The following GALNT13 variants were observed in gnomAD, a reference collection of about 807,000 sequenced individuals.
The protein encoded by GALNT13 is polypeptide N-acetylgalactosaminyltransferase 13.
A neutral mutation model predicts 64.2 loss-of-function variants in GALNT13; 28 were observed. The observed-to-expected ratio is 0.44, with a 90% CI of 0.32 to 0.60. The LOEUF (loss-of-function observed/expected upper bound fraction) is 0.60. Among genes scored for constraint, GALNT13 ranks in the 20% least tolerant of loss-of-function variants. The pLI is 0.05. For missense variants in GALNT13, 577 were observed against 669.8 expected (o/e 0.86, Z 1.53); for synonymous variants, 214 against 224.6 (o/e 0.95, Z 0.42).
chr2:154,264,529 C>T (rs546566674), intron 8 of GALNT13, among the ~76,000 whole-genome samples: 4 of 150,546 alleles, frequency 2.7e-5, no homozygotes, highest in East Asian at 2.0e-4. Context: ...CCCAGCAACT[C>T]GAGAGGCTGA....
intron 2 of GALNT13, among the ~76,000 whole-genome samples, chr2:153,908,781 T>TA (rs1688748327): frequency 6.6e-6 from 1 of 152,004 alleles, no homozygotes; most frequent in African/African-American, 2.4e-5. Flanking sequence ...ACCATGCCAT[T>TA]TTTTTATTGT....
At chr2:153,486,289 G>A in the GALNT13 span, among the ~76,000 whole-genome samples, 1 of 152,114 alleles carries the variant, frequency 6.6e-6, no homozygotes, top group South Asian at 2.1e-4. Flanking sequence ...TGTAGAGACT[G>A]TGTCTGTCTA....
the GALNT13 span, among the ~76,000 whole-genome samples, chr2:153,373,540 G>T: frequency 4.3e-4 from 65 of 152,084 alleles, no homozygotes; most frequent in African/African-American, 1.5e-3. Flanking sequence ...CTATAAACCA[G>T]TTTTTAGGAA....
At chr2:153,866,158 T>G in the GALNT13 span, among the ~76,000 whole-genome samples, 1 of 107,302 alleles carries the variant, frequency 9.3e-6, no homozygotes. Flanking sequence ...CTGGGGACTG[T>G]TGTGGGGTGG....
At chr2:153,099,716 T>C in the GALNT13 span, among the ~76,000 whole-genome samples, 57 of 152,226 alleles carry the variant, frequency 3.7e-4, no homozygotes, top group Admixed American at 5.9e-4. Context: ...CTCTAAGTTA[T>C]AGTTCTTATG....
chr2:153,924,017 T>G (rs565667087), intron 2 of GALNT13, among the ~76,000 whole-genome samples: 12 of 152,278 alleles, frequency 7.9e-5, no homozygotes, highest in African/African-American at 2.9e-4. Flanking sequence ...GCATGTGTCT[T>G]TATAGCAGCA....
At chr2:153,204,142 G>A in the GALNT13 span, among the ~76,000 whole-genome samples, 127,145 of 152,126 alleles carry the variant, frequency 0.84, 54,357 homozygotes, top group African/African-American at 0.93. Flanking sequence ...CTTCTGTTGG[G>A]TATTCCCTTC....
At chr2:153,323,794 G>A in the GALNT13 span, among the ~76,000 whole-genome samples, 1,902 of 152,190 alleles carry the variant, frequency 0.012, 40 homozygotes, top group African/African-American at 0.043. Context: ...ACATCAGATG[G>A]TTGTAGATGT....
chr2:154,180,198 T>G (rs1685876699), intron 4 of GALNT13, among the ~76,000 whole-genome samples: 1 of 152,192 alleles, frequency 6.6e-6, no homozygotes, highest in Non-Finnish European at 1.5e-5. Flanking sequence ...TTTCAGTTTT[T>G]TGTGCTTTTT....
intron 9 of GALNT13, among the ~76,000 whole-genome samples, chr2:154,359,093 A>G (rs1183643500): frequency 5.3e-5 from 8 of 152,040 alleles, no homozygotes; most frequent in African/African-American, 1.9e-4. Flanking sequence ...ACTACAAGGT[A>G]TTTCATTTAC....
At chr2:153,473,445 G>T in the GALNT13 span, among the ~76,000 whole-genome samples, 1 of 152,138 alleles carries the variant, frequency 6.6e-6, no homozygotes. Context: ...ATCAGGAAAT[G>T]AGAACAAAGT....
At chr2:153,161,225 T>C in the GALNT13 span, among the ~76,000 whole-genome samples, 86 of 152,308 alleles carry the variant, frequency 5.6e-4, 1 homozygote, top group East Asian at 8.5e-3. Flanking sequence ...GGGCTTATCC[T>C]TATGTTGCAC....
chr2:153,613,715 A>T, the GALNT13 span, among the ~76,000 whole-genome samples: 1 of 152,124 alleles, frequency 6.6e-6, no homozygotes, highest in South Asian at 2.1e-4. Flanking sequence ...ATGAGTGAGA[A>T]CATGCGGTGT....
intron 3 of GALNT13, among the ~76,000 whole-genome samples, chr2:153,947,529 G>T (rs1454724622): frequency 6.0e-5 from 9 of 149,528 alleles, no homozygotes; most frequent in African/African-American, 9.8e-5. Context: ...CTTTTTGGTG[G>T]TTTTTTTTTC....
the GALNT13 span, among the ~76,000 whole-genome samples, chr2:153,100,373 C>A: frequency 1.3e-5 from 2 of 152,152 alleles, no homozygotes; most frequent in Non-Finnish European, 2.9e-5. Flanking sequence ...AGCACAGGGA[C>A]AATAGCAGAT....
At chr2:153,458,281 G>A in the GALNT13 span, among the ~76,000 whole-genome samples, 1 of 151,612 alleles carries the variant, frequency 6.6e-6, no homozygotes, top group South Asian at 2.1e-4. Context: ...AAAATATTTA[G>A]CCAGATCTAA....
chr2:154,453,874 T>C lies in GALNT13; in HGVS notation c.*3323T>C, dbSNP rs1048940901. 6.6e-6 allele frequency: 1 copy of C among 152,218 alleles called. No homozygotes were observed. The highest frequency in any genetic ancestry group is 1.5e-5 in the Non-Finnish European group (1 of 68,042). The allele number at this position is 152,218 out of a possible 1,614,324, so 9.4% of individuals were successfully genotyped here. ...ACTTTGTCTTCAAATTTTAATTTTC[T>C]TCCTAATATTCTTCACATTAAACTA... On this transcript the variant is annotated 3_prime_UTR_variant, in exon 13 of 13. Transcript: ENST00000392825.
the GALNT13 span, among the ~76,000 whole-genome samples, chr2:153,417,587 T>G: frequency 2.5e-4 from 38 of 152,304 alleles, no homozygotes; most frequent in Non-Finnish European, 4.1e-4. Flanking sequence ...GATTTTCTGG[T>G]AAAATGGATG....
intron 3 of GALNT13, among the ~76,000 whole-genome samples, chr2:153,957,368 G>A (rs72865079): frequency 0.07 from 10,729 of 152,226 alleles, 444 homozygotes; most frequent in Middle Eastern, 0.13. Flanking sequence ...ACCAAAGAGC[G>A]CAACCAGCAG....
Sources: gnomAD v4.1 joint callset for allele counts (sites outside exome capture counted in the v4.1 genomes callset) on GRCh38, gnomAD v4.1.1 for gene constraint, MANE v1.5 for transcripts, NCBI Gene and HGNC (gene_info 2026-07-23, HGNC 2026-07-21) for gene names.